The following LINGO2 variants were observed in gnomAD, a reference collection of about 807,000 sequenced individuals.
The protein encoded by LINGO2 is leucine rich repeat and Ig domain containing 2, also known as leucine-rich repeat and immunoglobulin-like domain-containing nogo receptor-interacting protein 2.
In LINGO2, 14 loss-of-function variants were observed where a neutral mutation model predicts 30.6. That is an observed-to-expected ratio of 0.46 (90% confidence interval 0.30 to 0.72). LINGO2 has a LOEUF of 0.72. LINGO2 is among the 30% of genes least tolerant of loss of function. The pLI is 0.07. For missense variants in LINGO2, 729 were observed against 751.7 expected (o/e 0.97, Z 0.35); for synonymous variants, 317 against 288.5 (o/e 1.10, Z -1.00).
At chr9:28,364,808 T>C (rs1293356907) in intron 3 of LINGO2, among the ~76,000 whole-genome samples, 1 of 152,246 alleles carries the variant, frequency 6.6e-6, no homozygotes, top group Non-Finnish European at 1.5e-5. Context: ...TGAAGCTTTC[T>C]TTGTTTAATC....
the LINGO2 span, among the ~76,000 whole-genome samples, chr9:28,808,248 C>T: frequency 6.6e-6 from 1 of 152,112 alleles, no homozygotes; most frequent in African/African-American, 2.4e-5. Context: ...CATCCTCAGC[C>T]CACAGAATGC....
chr9:28,133,413 T>C (rs1372319458), intron 4 of LINGO2, among the ~76,000 whole-genome samples: 1 of 152,154 alleles, frequency 6.6e-6, no homozygotes, highest in African/African-American at 2.4e-5. Flanking sequence ...TAGACATTCA[T>C]GTAGAGCTGT....
chr9:29,098,063 G>C, the LINGO2 span, among the ~76,000 whole-genome samples: 5 of 152,222 alleles, frequency 3.3e-5, no homozygotes, highest in African/African-American at 1.2e-4. Flanking sequence ...ATCATAATAG[G>C]TTATAACTGA....
chr9:29,082,526 G>T, the LINGO2 span, among the ~76,000 whole-genome samples: 1 of 152,132 alleles, frequency 6.6e-6, no homozygotes, highest in African/African-American at 2.4e-5. Flanking sequence ...CATGGGCAAT[G>T]ACTTCATTTC....
intron 4 of LINGO2, among the ~76,000 whole-genome samples, chr9:28,134,959 A>G (rs1827474868): frequency 6.6e-6 from 1 of 152,204 alleles, no homozygotes; most frequent in African/African-American, 2.4e-5. Context: ...CAAGAAGACT[A>G]AGAGAGACCC....
chr9:28,016,578 T>C (rs571190032), intron 4 of LINGO2, among the ~76,000 whole-genome samples: 6 of 148,432 alleles, frequency 4.0e-5, no homozygotes, highest in African/African-American at 1.5e-4. Flanking sequence ...AGCTAGAAAA[T>C]CTAGAAGAAA....
At position 28,240,750 on chromosome 9, in the gene LINGO2, A is replaced by C. The variant is rs1289711760; in HGVS notation, c.-87+54458T>G. Reference sequence around the variant, plus strand: ...GGTCTGGGCAAAAATTTCTTGAGTAATATCCCACAAGCATAAGCAACGAAA... The same window carrying C: ...GGTCTGGGCAAAAATTTCTTGAGTACTATCCCACAAGCATAAGCAACGAAA... On this transcript the variant is annotated intron_variant, in intron 4 of 5. Coordinates refer to ENST00000379992, the Ensembl canonical transcript of LINGO2. Among the ~76,000 whole-genome samples, 6 of 152,308 alleles carry C rather than the reference A, an allele frequency of 3.9e-5. No homozygotes were observed. In the East Asian group the frequency reaches 7.7e-4, roughly 20 times the overall value.
chr9:28,199,140 C>A (rs1820123906), intron 4 of LINGO2, among the ~76,000 whole-genome samples: 1 of 152,092 alleles, frequency 6.6e-6, no homozygotes, highest in Non-Finnish European at 1.5e-5. Context: ...CAAACTTCAA[C>A]TTATTTATCT....
intron 4 of LINGO2, among the ~76,000 whole-genome samples, chr9:28,290,590 T>A (rs1823689554): frequency 6.6e-6 from 1 of 151,138 alleles, no homozygotes; most frequent in African/African-American, 2.4e-5. Context: ...GAAATCCATC[T>A]CCCTGATTGA....
At chr9:28,819,927 C>A in the LINGO2 span, among the ~76,000 whole-genome samples, 1 of 152,236 alleles carries the variant, frequency 6.6e-6, no homozygotes, top group African/African-American at 2.4e-5. Context: ...CCTGCCCACC[C>A]ACACCTACCA....
chr9:28,990,768 A>C, the LINGO2 span, among the ~76,000 whole-genome samples: 5 of 152,158 alleles, frequency 3.3e-5, no homozygotes, highest in Admixed American at 3.3e-4. Flanking sequence ...GACCTTAGCA[A>C]ACTCCAACAG....
chr9:28,779,506 T>C, the LINGO2 span, among the ~76,000 whole-genome samples: 2 of 152,294 alleles, frequency 1.3e-5, no homozygotes, highest in South Asian at 2.1e-4. Flanking sequence ...TGTTTTAAAA[T>C]ATGAATCACT....
intron 3 of LINGO2, among the ~76,000 whole-genome samples, chr9:28,325,593 C>T (rs1285715882): frequency 2.0e-5 from 3 of 152,090 alleles, no homozygotes; most frequent in African/African-American, 7.2e-5. Context: ...CTCACAGGAC[C>T]TGATGGTTTT....
chr9:28,068,722 T>A (rs1423186247), intron 4 of LINGO2, among the ~76,000 whole-genome samples: 5 of 152,178 alleles, frequency 3.3e-5, no homozygotes, highest in Admixed American at 2.0e-4. Flanking sequence ...ATCTTACATA[T>A]CAGGAAGTGG....
At chr9:28,632,869 T>TA (rs1563879079) in intron 1 of LINGO2, among the ~76,000 whole-genome samples, 6 of 111,006 alleles carry the variant, frequency 5.4e-5, no homozygotes, top group African/African-American at 2.3e-4. Flanking sequence ...TATATATATA[T>TA]ATATATATAT....
intron 4 of LINGO2, among the ~76,000 whole-genome samples, chr9:28,143,756 A>G (rs1045322187): frequency 6.6e-6 from 1 of 152,122 alleles, no homozygotes; most frequent in Non-Finnish European, 1.5e-5. Flanking sequence ...GTCAATATCA[A>G]GTAAATTTTT....
intron 1 of LINGO2, among the ~76,000 whole-genome samples, chr9:28,611,205 T>C (rs1422165418): frequency 1.3e-5 from 2 of 152,146 alleles, no homozygotes; most frequent in African/African-American, 2.4e-5. Flanking sequence ...TCCAGCTTTA[T>C]TGAGGTATAA....
At chr9:28,176,609 G>A (rs1276603163) in intron 4 of LINGO2, among the ~76,000 whole-genome samples, 2 of 152,122 alleles carry the variant, frequency 1.3e-5, no homozygotes, top group African/African-American at 4.8e-5. Flanking sequence ...CAAAATGCTT[G>A]CACATATATT....
intron 4 of LINGO2, among the ~76,000 whole-genome samples, chr9:28,046,666 A>G (rs1824435279): frequency 1.3e-5 from 2 of 152,102 alleles, no homozygotes; most frequent in Admixed American, 6.6e-5. Flanking sequence ...TGCTCATAGT[A>G]GCTCTTAAAA....
Sources: gnomAD v4.1 joint callset for allele counts (sites outside exome capture counted in the v4.1 genomes callset) on GRCh38, gnomAD v4.1.1 for gene constraint, MANE v1.5 for transcripts, NCBI Gene and HGNC (gene_info 2026-07-23, HGNC 2026-07-21) for gene names.